Variants in CFAP96 observed in about 807,000 individuals in gnomAD.
CFAP96 encodes cilia-and flagella-associated protein 96.
the CFAP96 span, chr4:185,429,426 A>T: frequency 6.5e-7 from 1 of 1,535,464 alleles, no homozygotes; most frequent in Non-Finnish European, 8.8e-7. Context: ...CTGCGGAAGG[A>T]GGAAAAACGG....
the CFAP96 span, among the ~76,000 whole-genome samples, chr4:185,441,052 G>T: frequency 6.6e-6 from 1 of 151,926 alleles, no homozygotes; most frequent in South Asian, 2.1e-4. Flanking sequence ...TTGAGTTCAA[G>T]CAATACTCCT....
At chr4:185,443,339 TA>T in the CFAP96 span, among the ~76,000 whole-genome samples, 9 of 36,288 alleles carry the variant, frequency 2.5e-4, no homozygotes, top group Non-Finnish European at 4.1e-4. Context: ...TATATATATA[TA>T]TATTTTTTTT....
the CFAP96 span, chr4:185,415,248 T>C: frequency 6.2e-7 from 1 of 1,604,942 alleles, no homozygotes. Flanking sequence ...AGTGCAGTGG[T>C]TCAGGGACCA....
the CFAP96 span, among the ~76,000 whole-genome samples, chr4:185,416,951 A>G: frequency 6.6e-6 from 1 of 152,240 alleles, no homozygotes; most frequent in Admixed American, 6.5e-5. Context: ...GAAATTATCA[A>G]TGGATGCTAA....
At chr4:185,424,140 C>CAA in the CFAP96 span, among the ~76,000 whole-genome samples, 2 of 135,222 alleles carry the variant, frequency 1.5e-5, no homozygotes, top group East Asian at 4.3e-4. Context: ...CCATCTCTAC[C>CAA]AAAAAAAAAA....
the CFAP96 span, chr4:185,429,511 C>G: frequency 6.7e-7 from 1 of 1,502,358 alleles, no homozygotes; most frequent in Non-Finnish European, 9.0e-7. Context: ...ACAATTTAAT[C>G]GTAAGTATAT....
At chr4:185,425,883 G>C in the CFAP96 span, 1 of 1,600,104 alleles carries the variant, frequency 6.2e-7, no homozygotes, top group Admixed American at 1.7e-5. Flanking sequence ...GCGACGTGGC[G>C]GTGACACGGG....
At chr4:185,446,342 C>T in the CFAP96 span, among the ~76,000 whole-genome samples, 39 of 152,286 alleles carry the variant, frequency 2.6e-4, no homozygotes, top group African/African-American at 9.1e-4. Context: ...TAAGTTGATA[C>T]TGTCTTAAAA....
chr4:185,412,874 T>C, the CFAP96 span, among the ~76,000 whole-genome samples: 1 of 152,196 alleles, frequency 6.6e-6, no homozygotes, highest in Non-Finnish European at 1.5e-5. Flanking sequence ...CCTTTCTCAC[T>C]GGCCTCCATG....
At chr4:185,431,758 A>G in the CFAP96 span, among the ~76,000 whole-genome samples, 2 of 152,368 alleles carry the variant, frequency 1.3e-5, no homozygotes, top group African/African-American at 2.4e-5. Flanking sequence ...CTCAGAGTGT[A>G]TAAGCAAGAC....
chr4:185,435,956 T>A, the CFAP96 span: 1 of 1,046,976 alleles, frequency 9.6e-7, no homozygotes, highest in Middle Eastern at 2.3e-4. Flanking sequence ...TTTCTCTTTT[T>A]TTCAATCTGT....
chr4:185,447,472 G>A, the CFAP96 span, among the ~76,000 whole-genome samples: 1 of 152,090 alleles, frequency 6.6e-6, no homozygotes, highest in Non-Finnish European at 1.5e-5. Flanking sequence ...GATCCACCAC[G>A]CCCGGCCGAT....
At chr4:185,443,921 C>CTTTTTTTTTTTTTT in the CFAP96 span, among the ~76,000 whole-genome samples, 7 of 82,852 alleles carry the variant, frequency 8.4e-5, no homozygotes, top group Admixed American at 1.4e-4. Flanking sequence ...CTATATCTTT[C>CTTTTTTTTTTTTTT]TTTTTTTTTT....
chr4:185,435,546 T>C, the CFAP96 span, among the ~76,000 whole-genome samples: 1 of 152,204 alleles, frequency 6.6e-6, no homozygotes, highest in African/African-American at 2.4e-5. Flanking sequence ...AATTTAACAT[T>C]AAAATGGAAG....
At chr4:185,423,684 A>C in the CFAP96 span, among the ~76,000 whole-genome samples, 2 of 152,206 alleles carry the variant, frequency 1.3e-5, no homozygotes, top group Non-Finnish European at 2.9e-5. Flanking sequence ...GGAACTAATC[A>C]GTTCTTTACT....
the CFAP96 span, among the ~76,000 whole-genome samples, chr4:185,409,883 A>G: frequency 6.6e-6 from 1 of 152,152 alleles, no homozygotes; most frequent in Admixed American, 6.5e-5. Context: ...GCCACAAACC[A>G]AAGGATGCTG....
At chr4:185,432,060 G>T in the CFAP96 span, 3 of 1,551,502 alleles carry the variant, frequency 1.9e-6, no homozygotes, top group African/African-American at 2.7e-5. Flanking sequence ...CTTCAGGCAG[G>T]TTATTTTGAT....
chr4:185,418,615 C>G, the CFAP96 span: 2 of 1,613,378 alleles, frequency 1.2e-6, no homozygotes, highest in Non-Finnish European at 8.5e-7. Context: ...TTCTTACAAG[C>G]AGAAGCATCA....
the CFAP96 span, among the ~76,000 whole-genome samples, chr4:185,448,262 C>T: frequency 6.6e-6 from 1 of 152,138 alleles, no homozygotes; most frequent in Non-Finnish European, 1.5e-5. Context: ...CTCAGGTGAT[C>T]CGCCCGCCTC....
Sources: gnomAD v4.1 joint callset for allele counts (sites outside exome capture counted in the v4.1 genomes callset) on GRCh38, gnomAD v4.1.1 for gene constraint, MANE v1.5 for transcripts, NCBI Gene and HGNC (gene_info 2026-07-23, HGNC 2026-07-21) for gene names.